The following BTBD16 variants were observed in gnomAD, a reference collection of about 807,000 sequenced individuals.
BTBD16 encodes the protein BTB/POZ domain-containing protein 16.
BTBD16 carries 66 observed loss-of-function variants against 67.4 expected under a neutral mutation model. The ratio of observed to expected loss-of-function variants is 0.98; its 90% CI spans 0.80 to 1.20. The LOEUF (loss-of-function observed/expected upper bound fraction) is 1.20, where lower values mean the gene tolerates loss of function less well. Ranked by LOEUF, BTBD16 falls within the 50% of genes most tolerant of loss-of-function variation. BTBD16 has a pLI of 0.00. For missense variants in BTBD16, 634 were observed against 616.0 expected, an observed-to-expected ratio of 1.03 and a Z score of -0.31; for synonymous variants, 242 against 236.4, an observed-to-expected ratio of 1.02 and a Z score of -0.22.
chr10:122,329,627 C>A, intron 11 of BTBD16, 56 bp downstream of exon 11: 1 of 1,457,610 alleles, frequency 6.9e-7, no homozygotes, highest in East Asian at 2.3e-5. Context: ...CACCTGCCCA[C>A]CCCCCAGCCA....
chr10:122,328,221 G>A (rs2096448728), intron 10 of BTBD16, among the ~76,000 whole-genome samples: 2 of 152,196 alleles, frequency 1.3e-5, no homozygotes, highest in Admixed American at 1.3e-4. Context: ...TCAGGGCACA[G>A]GCACCGCACC....
chr10:122,319,213 C>G (rs538486439), intron 10 of BTBD16, among the ~76,000 whole-genome samples: 257 of 152,202 alleles, frequency 1.7e-3, no homozygotes, highest in African/African-American at 6.0e-3. Flanking sequence ...GTTTGAATAT[C>G]AGAAGTTTTT....
chr10:122,291,566 C>T (rs956426838), intron 7 of BTBD16: 1 of 168,314 alleles, frequency 5.9e-6, no homozygotes, highest in Non-Finnish European at 1.3e-5. Flanking sequence ...AAAAAAATCT[C>T]TCTCCTTTAA....
chr10:122,328,960 A>C, intron 10 of BTBD16: 6 of 515,318 alleles, frequency 1.2e-5, no homozygotes, highest in Non-Finnish European at 1.5e-5. Flanking sequence ...CTTCTTTTTA[A>C]TTTTTTCAGA....
chr10:122,296,359 G>C (rs1239392138), intron 7 of BTBD16, among the ~76,000 whole-genome samples: 1 of 152,134 alleles, frequency 6.6e-6, no homozygotes, highest in Non-Finnish European at 1.5e-5. Flanking sequence ...GTGGTAACAA[G>C]ACCCCATCTG....
intron 11 of BTBD16, among the ~76,000 whole-genome samples, chr10:122,330,677 A>T (rs994048882): frequency 6.6e-6 from 1 of 152,106 alleles, no homozygotes; most frequent in Non-Finnish European, 1.5e-5. Flanking sequence ...GAGTGAATGT[A>T]TTGGTTCCTT....
intron 6 of BTBD16, among the ~76,000 whole-genome samples, chr10:122,290,599 A>G (rs2096372207): frequency 6.6e-6 from 1 of 152,322 alleles, no homozygotes; most frequent in Non-Finnish European, 1.5e-5. Flanking sequence ...TCTGGCCCCT[A>G]GCCAAGGCAG....
At chr10:122,280,166 A>G (rs2096349766) in intron 3 of BTBD16, among the ~76,000 whole-genome samples, 1 of 152,202 alleles carries the variant, frequency 6.6e-6, no homozygotes, top group Middle Eastern at 3.2e-3. Context: ...GCCTTAGTTT[A>G]TGTGCAAATC....
intron 7 of BTBD16, chr10:122,295,398 A>G: frequency 3.0e-6 from 3 of 985,406 alleles, no homozygotes; most frequent in Non-Finnish European, 3.6e-6. Flanking sequence ...AGAGGTTTGG[A>G]TGAGCCCAGG....
intron 7 of BTBD16, among the ~76,000 whole-genome samples, chr10:122,294,985 C>T (rs777004632): frequency 5.9e-5 from 9 of 152,256 alleles, no homozygotes; most frequent in Non-Finnish European, 1.0e-4. Context: ...TGTTCAGCCT[C>T]GTCACAGCTT....
At chr10:122,284,185 GC>G (rs778221632) in intron 4 of BTBD16, among the ~76,000 whole-genome samples, 28 of 152,082 alleles carry the variant, frequency 1.8e-4, no homozygotes, top group Non-Finnish European at 7.4e-5. Flanking sequence ...TCAATAAATA[GC>G]CCACACCTGT....
chr10:122,314,909 T>G (rs1205273748), intron 10 of BTBD16, among the ~76,000 whole-genome samples: 1 of 152,196 alleles, frequency 6.6e-6, no homozygotes, highest in Non-Finnish European at 1.5e-5. Context: ...TGAACATCTT[T>G]TGATAATGAC....
intron 10 of BTBD16, among the ~76,000 whole-genome samples, chr10:122,308,996 G>C (rs1261159395): frequency 6.6e-6 from 1 of 152,196 alleles, no homozygotes; most frequent in African/African-American, 2.4e-5. Flanking sequence ...AGCCCCTGCT[G>C]AACCCCTCAG....
chr10:122,306,396 G>A (rs1349111292), intron 9 of BTBD16, among the ~76,000 whole-genome samples: 1 of 152,216 alleles, frequency 6.6e-6, no homozygotes, highest in Non-Finnish European at 1.5e-5. Context: ...GGAGCGATAG[G>A]AAACTCATCC....
chr10:122,299,703 C>G (rs189012676), intron 9 of BTBD16, among the ~76,000 whole-genome samples: 1 of 152,198 alleles, frequency 6.6e-6, no homozygotes, highest in Admixed American at 6.5e-5. Context: ...TGACCATACC[C>G]CAACCCTGAG....
Position 122,336,416 on chromosome 10 carries a change from T to C in BTBD16, c.1264-78T>C, listed in dbSNP as rs111876407. ...TGCACACATTATATACCAGGGTCTATATGCCAGGCTCCAGCTTTCCCTAAC... is the reference window on the plus strand; with the variant it reads ...TGCACACATTATATACCAGGGTCTACATGCCAGGCTCCAGCTTTCCCTAAC... On this transcript the variant is annotated intron_variant, in intron 14 of 15. Transcript: ENST00000260723. 114 of 1,305,176 alleles carry C rather than the reference T, an allele frequency of 8.7e-5. No homozygotes were observed. The Middle Eastern group carries it at 1.3e-3, about 15-fold the overall frequency. The allele number at this position is 1,305,176 out of a possible 1,614,324, so 80.8% of individuals were successfully genotyped here.
intron 10 of BTBD16, among the ~76,000 whole-genome samples, chr10:122,312,613 C>G (rs2096416075): frequency 6.6e-6 from 1 of 152,138 alleles, no homozygotes; most frequent in Non-Finnish European, 1.5e-5. Flanking sequence ...CGCTTCTGGC[C>G]AGTCTTTCAC....
intron 10 of BTBD16, among the ~76,000 whole-genome samples, chr10:122,312,501 C>T (rs1047037454): frequency 4.6e-5 from 7 of 151,552 alleles, no homozygotes; most frequent in South Asian, 2.1e-4. Context: ...TTAGTAAAGA[C>T]GGGGGTTTCA....
intron 14 of BTBD16, among the ~76,000 whole-genome samples, chr10:122,335,320 C>A (rs10749462): frequency 2.0e-5 from 3 of 152,024 alleles, no homozygotes; most frequent in Non-Finnish European, 2.9e-5. Flanking sequence ...AGTTATTCTC[C>A]CATGAAGATA....
Sources: allele counts gnomAD v4.1 joint callset (sites outside exome capture counted in the v4.1 genomes callset), GRCh38; gene constraint gnomAD v4.1.1; transcripts MANE v1.5; gene names NCBI Gene and HGNC (gene_info 2026-07-23, HGNC 2026-07-21).